CDH13: variants seen among roughly 807,000 people sequenced by gnomAD.
CDH13 encodes the protein cadherin 13, also known as cadherin-13.
In CDH13, 24 loss-of-function variants were observed where a neutral mutation model predicts 63.8. That is an observed-to-expected ratio of 0.38 (90% CI 0.27 to 0.53). The LOEUF is 0.53. CDH13 is among the 20% of genes least tolerant of loss of function. CDH13 has a pLI of 0.85. For synonymous variants in CDH13, 503 were observed against 355.3 expected (o/e 1.42, Z -4.67); for missense variants, 1,049 against 903.1 (o/e 1.16, Z -2.07).
intron 1 of CDH13, among the ~76,000 whole-genome samples, chr16:82,751,611 T>C (rs1276390691): frequency 6.6e-6 from 1 of 151,458 alleles, no homozygotes; most frequent in East Asian, 1.9e-4. Flanking sequence ...GTCAGACTTA[T>C]CCTTCATATA....
intron 8 of CDH13, among the ~76,000 whole-genome samples, chr16:83,608,751 AC>A (rs1908590423): frequency 1.4e-5 from 2 of 147,372 alleles, no homozygotes; most frequent in Admixed American, 1.4e-4. Flanking sequence ...CAAGCAATCC[AC>A]CCACCTAAGC....
At chr16:83,390,842 CAG>C (rs1491366992) in intron 6 of CDH13, among the ~76,000 whole-genome samples, 2 of 152,160 alleles carry the variant, frequency 1.3e-5, no homozygotes, top group Non-Finnish European at 2.9e-5. Flanking sequence ...AGCCTCAACT[CAG>C]GGGAAGATTT....
chr16:83,469,003 C>T (rs2073389366), intron 6 of CDH13, among the ~76,000 whole-genome samples: 1 of 152,186 alleles, frequency 6.6e-6, no homozygotes, highest in Non-Finnish European at 1.5e-5. Flanking sequence ...GCTGCAGGAA[C>T]AGGTGCACAG....
At chr16:82,803,852 T>G (rs2100853) in intron 1 of CDH13, among the ~76,000 whole-genome samples, 84,931 of 151,998 alleles carry the variant, frequency 0.56, 25,144 homozygotes, top group African/African-American at 0.76. Context: ...GTATAAAGCA[T>G]CAATTATATG....
At chr16:83,608,753 C>A (rs1908590666) in intron 8 of CDH13, among the ~76,000 whole-genome samples, 1 of 151,720 alleles carries the variant, frequency 6.6e-6, no homozygotes, top group Admixed American at 6.6e-5. Context: ...AGCAATCCAC[C>A]CACCTAAGCT....
intron 6 of CDH13, among the ~76,000 whole-genome samples, chr16:83,460,426 C>T (rs2073145703): frequency 6.6e-6 from 1 of 152,198 alleles, no homozygotes. Flanking sequence ...GAGACAAGAA[C>T]ACTCCTAGAA....
intron 6 of CDH13, among the ~76,000 whole-genome samples, chr16:83,411,745 C>A (rs547166485): frequency 6.6e-6 from 1 of 152,050 alleles, no homozygotes; most frequent in Non-Finnish European, 1.5e-5. Context: ...CTTAAACATA[C>A]CAGCTAGTGG....
intron 4 of CDH13, among the ~76,000 whole-genome samples, chr16:83,141,705 C>T (rs538924212): frequency 1.2e-4 from 18 of 152,242 alleles, no homozygotes; most frequent in Admixed American, 3.3e-4. Context: ...GTGTGATGTT[C>T]CCCTCCCTGT....
At chr16:83,065,598 G>C (rs530541133) in intron 3 of CDH13, among the ~76,000 whole-genome samples, 1 of 151,904 alleles carries the variant, frequency 6.6e-6, no homozygotes, top group Admixed American at 6.6e-5. Flanking sequence ...CCAGCTAGTC[G>C]GGAGGCTAAG....
chr16:83,098,895 A>G (rs1353476564), intron 3 of CDH13, among the ~76,000 whole-genome samples: 2 of 152,198 alleles, frequency 1.3e-5, no homozygotes, highest in Non-Finnish European at 2.9e-5. Context: ...AAAAAAGGTT[A>G]ATTGTGAGAC....
At chr16:82,760,259 C>G (rs1421713498) in intron 1 of CDH13, among the ~76,000 whole-genome samples, 1 of 152,132 alleles carries the variant, frequency 6.6e-6, no homozygotes. Flanking sequence ...ATAGTACCGC[C>G]CCCGCAAAAA....
At chr16:82,871,650 A>G (rs940307054) in intron 2 of CDH13, among the ~76,000 whole-genome samples, 5 of 140,252 alleles carry the variant, frequency 3.6e-5, no homozygotes, top group African/African-American at 1.2e-4. Flanking sequence ...TGTAATCAAC[A>G]GTAACACAAC....
At chr16:83,197,681 G>T (rs2038913939) in intron 4 of CDH13, among the ~76,000 whole-genome samples, 1 of 152,072 alleles carries the variant, frequency 6.6e-6, no homozygotes, top group South Asian at 2.1e-4. Context: ...GATCCCAGTG[G>T]GGATGGAATG....
intron 6 of CDH13, among the ~76,000 whole-genome samples, chr16:83,364,582 G>T (rs17212165): frequency 1.3e-5 from 2 of 152,106 alleles, no homozygotes; most frequent in Admixed American, 6.5e-5. Flanking sequence ...TAAACTCATA[G>T]GTTTTTACCA....
chr16:83,603,395 C>T (rs778639524), intron 8 of CDH13, among the ~76,000 whole-genome samples: 1 of 152,192 alleles, frequency 6.6e-6, no homozygotes, highest in African/African-American at 2.4e-5. Flanking sequence ...CCCCTGAGAT[C>T]TGTTGCCTGA....
At chr16:82,897,954 G>T (rs1162744481) in intron 2 of CDH13, among the ~76,000 whole-genome samples, 1 of 152,164 alleles carries the variant, frequency 6.6e-6, no homozygotes, top group African/African-American at 2.4e-5. Flanking sequence ...TGCCTCTGAT[G>T]CTTATCATCT....
intron 6 of CDH13, among the ~76,000 whole-genome samples, chr16:83,446,649 A>G (rs2072696750): frequency 6.6e-6 from 1 of 152,172 alleles, no homozygotes; most frequent in Admixed American, 6.5e-5. Flanking sequence ...TTCTGGTGGT[A>G]ATCAAAGGAA....
At chr16:82,677,886 C>G (rs1567617814) in intron 1 of CDH13, among the ~76,000 whole-genome samples, 1 of 152,158 alleles carries the variant, frequency 6.6e-6, no homozygotes, top group Admixed American at 6.6e-5. Context: ...AATTTGGCTT[C>G]TGACCTTGCT....
intron 1 of CDH13, among the ~76,000 whole-genome samples, chr16:82,713,340 G>C (rs1054425443): frequency 2.0e-5 from 3 of 152,054 alleles, no homozygotes; most frequent in African/African-American, 7.2e-5. Context: ...CTCAGAACTA[G>C]GATATCCATC....
Sources: allele counts gnomAD v4.1 joint callset (sites outside exome capture counted in the v4.1 genomes callset), GRCh38; gene constraint gnomAD v4.1.1; transcripts MANE v1.5; gene names NCBI Gene and HGNC (gene_info 2026-07-23, HGNC 2026-07-21).